Variants in FCHSD2 observed in about 807,000 individuals in gnomAD.
The protein encoded by FCHSD2 is F-BAR and double SH3 domains protein 2.
In FCHSD2, 38 loss-of-function variants were observed where a neutral mutation model predicts 108.1. That is an observed-to-expected ratio of 0.35 (90% CI 0.27 to 0.46). FCHSD2 has a LOEUF of 0.46. FCHSD2 is among the 20% of genes least tolerant of loss of function. The pLI is 1.00. For synonymous variants in FCHSD2, 279 were observed against 314.7 expected, an observed-to-expected ratio of 0.89 and a Z score of 1.20; for missense variants, 751 against 897.8, an observed-to-expected ratio of 0.84 and a Z score of 2.09.
chr11:73,131,858 CTTA>C (rs1861011624), intron 2 of FCHSD2, among the ~76,000 whole-genome samples: 1 of 152,110 alleles, frequency 6.6e-6, no homozygotes, highest in African/African-American at 2.4e-5. Flanking sequence ...TTCTTTTAAA[CTTA>C]TTTAGTCAGA....
Position 73,059,210 on chromosome 11 carries a change from G to A in FCHSD2, c.165+24485C>T, listed in dbSNP as rs796075391. 8.6e-5 allele frequency among the ~76,000 whole-genome samples: 13 copies of A among 151,960 alleles called. No homozygotes were observed. In the East Asian group the frequency reaches 2.3e-3, roughly 27 times the overall value. On this transcript the variant is annotated intron_variant, in intron 3 of 19. Transcript: ENST00000409418. Reference sequence around the variant, plus strand: ...GAAAGCAAAATGATTTCAAAATACAGAGTCTATTGACAATGGCTGAAGACT... The same window carrying A: ...GAAAGCAAAATGATTTCAAAATACAAAGTCTATTGACAATGGCTGAAGACT...
At chr11:72,899,756 AAAG>A (rs1041245059) in intron 10 of FCHSD2, among the ~76,000 whole-genome samples, 1 of 151,130 alleles carries the variant, frequency 6.6e-6, no homozygotes, top group African/African-American at 2.4e-5. Context: ...AAAAAAAAAA[AAAG>A]ACTTTTTAAA....
At chr11:73,104,806 A>G (rs899536404) in intron 2 of FCHSD2, among the ~76,000 whole-genome samples, 64 of 152,222 alleles carry the variant, frequency 4.2e-4, no homozygotes, top group Admixed American at 1.6e-3. Context: ...GACCTCAGTG[A>G]TCCGGCCTCC....
chr11:72,852,527 G>A (rs777241529), intron 13 of FCHSD2, among the ~76,000 whole-genome samples: 7 of 152,120 alleles, frequency 4.6e-5, no homozygotes, highest in East Asian at 1.9e-4. Flanking sequence ...TTAGCCAGGC[G>A]TGGTGGTATG....
intron 4 of FCHSD2, among the ~76,000 whole-genome samples, chr11:73,007,192 G>T (rs1857759224): frequency 6.6e-6 from 1 of 151,992 alleles, no homozygotes; most frequent in South Asian, 2.1e-4. Context: ...TAATAATTAG[G>T]TTATAACTAG....
At chr11:72,866,245 C>T (rs963941837) in intron 13 of FCHSD2, among the ~76,000 whole-genome samples, 3 of 136,304 alleles carry the variant, frequency 2.2e-5, no homozygotes, top group African/African-American at 7.7e-5. Flanking sequence ...GATGGAGCAA[C>T]TCTGTTCTGT....
intron 2 of FCHSD2, among the ~76,000 whole-genome samples, chr11:73,101,052 T>C (rs1395231753): frequency 2.0e-5 from 3 of 152,308 alleles, no homozygotes; most frequent in Middle Eastern, 6.8e-3. Context: ...TCTAAACCAG[T>C]ACCCACTAAC....
At chr11:72,870,206 G>A (rs1854822725) in intron 12 of FCHSD2, among the ~76,000 whole-genome samples, 1 of 152,004 alleles carries the variant, frequency 6.6e-6, no homozygotes, top group African/African-American at 2.4e-5. Context: ...CCTTCCTTAG[G>A]CAGTTAATAA....
chr11:72,915,948 T>C (rs917894547), intron 9 of FCHSD2, among the ~76,000 whole-genome samples: 1 of 152,198 alleles, frequency 6.6e-6, no homozygotes, highest in South Asian at 2.1e-4. Flanking sequence ...CCACTATCCT[T>C]AGCAAACTAA....
At chr11:72,847,071 A>G (rs919804205) in intron 14 of FCHSD2, among the ~76,000 whole-genome samples, 4 of 152,192 alleles carry the variant, frequency 2.6e-5, no homozygotes, top group African/African-American at 4.8e-5. Context: ...ATCATGGCTC[A>G]CTGCAGCCTC....
At chr11:72,881,607 T>C (rs1457265403) in intron 12 of FCHSD2, among the ~76,000 whole-genome samples, 2 of 152,220 alleles carry the variant, frequency 1.3e-5, no homozygotes, top group African/African-American at 4.8e-5. Flanking sequence ...TACAGCACTA[T>C]TCACAGTGGC....
At chr11:73,035,195 T>C (rs1009144720) in intron 3 of FCHSD2, among the ~76,000 whole-genome samples, 1 of 142,890 alleles carries the variant, frequency 7.0e-6, no homozygotes, top group African/African-American at 2.6e-5. Flanking sequence ...TGTATGTATG[T>C]ATGTATGTAC....
Position 73,142,154 on chromosome 11 carries a change from C to T in FCHSD2, c.-277G>A, listed in dbSNP as rs529885578. On this transcript the variant is annotated 5_prime_UTR_variant, in exon 1 of 20. Transcript: ENST00000409418. ...TGTGTGAGGAAGGAGGCGGAGACGG[C>T]GAGGGGGCGGGGGCCCCAGGAGCAG... 3 of 263,976 alleles carry T rather than the reference C, an allele frequency of 1.1e-5. No individual in the cohort carries two copies. The highest frequency in any genetic ancestry group is 6.7e-5 in the East Asian group (1 of 14,878). The allele number at this position is 263,976 out of a possible 1,614,324, so 16.4% of individuals were successfully genotyped here. A position where few individuals can be genotyped will look rare whatever the true frequency, so the allele number is the denominator to read the frequency against.
At chr11:72,875,348 C>CTCTA (rs543566870) in intron 12 of FCHSD2, among the ~76,000 whole-genome samples, 22 of 152,170 alleles carry the variant, frequency 1.4e-4, no homozygotes, top group Non-Finnish European at 2.8e-4. Context: ...ATATTATAAA[C>CTCTA]TCTATCTATC....
chr11:73,124,755 C>CAA (rs1356819457), intron 2 of FCHSD2, among the ~76,000 whole-genome samples: 6 of 120,958 alleles, frequency 5.0e-5, no homozygotes, highest in African/African-American at 9.3e-5. Context: ...GACTCTGTCT[C>CAA]AAAAAAAAAA....
At chr11:72,967,961 G>A (rs1437596118) in intron 8 of FCHSD2, among the ~76,000 whole-genome samples, 1 of 151,818 alleles carries the variant, frequency 6.6e-6, no homozygotes, top group Non-Finnish European at 1.5e-5. Context: ...TATGGTGGCG[G>A]GCACCTGTAG....
chr11:72,982,430 CA>C (rs1161477158), intron 8 of FCHSD2, among the ~76,000 whole-genome samples: 4 of 152,096 alleles, frequency 2.6e-5, no homozygotes, highest in Non-Finnish European at 1.5e-5. Context: ...TCATTAAGAA[CA>C]ATACATTTGA....
At chr11:73,021,474 A>G (rs1380048521) in intron 3 of FCHSD2, among the ~76,000 whole-genome samples, 1 of 152,148 alleles carries the variant, frequency 6.6e-6, no homozygotes, top group Non-Finnish European at 1.5e-5. Flanking sequence ...ACTAAATAAT[A>G]TATGTTCTCA....
chr11:72,900,397 C>T (rs1855503483), intron 10 of FCHSD2: 1 of 1,010,572 alleles, frequency 9.9e-7, no homozygotes, highest in East Asian at 2.6e-5. Context: ...CAAACAAGGA[C>T]ACAACACCTA....
Sources: gnomAD v4.1 joint callset for allele counts (sites outside exome capture counted in the v4.1 genomes callset) on GRCh38, gnomAD v4.1.1 for gene constraint, MANE v1.5 for transcripts, NCBI Gene and HGNC (gene_info 2026-07-23, HGNC 2026-07-21) for gene names.